The following SORCS2 variants were observed in gnomAD, a reference collection of about 807,000 sequenced individuals.
SORCS2 encodes VPS10 domain-containing receptor SorCS2.
In SORCS2, 100 loss-of-function variants were observed where a neutral mutation model predicts 141.6. The observed-to-expected ratio is 0.71, with a 90% CI of 0.60 to 0.83. The LOEUF is 0.83. SORCS2 is among the 40% of genes least tolerant of loss of function. SORCS2 has a pLI of 0.00. For synonymous variants in SORCS2, 789 were observed against 676.9 expected (o/e 1.17, Z -2.57); for missense variants, 1,646 against 1,560.2 (o/e 1.05, Z -0.93).
chr4:7,677,732 C>T (rs1723255056), intron 9 of SORCS2, among the ~76,000 whole-genome samples: 1 of 152,194 alleles, frequency 6.6e-6, no homozygotes, highest in Admixed American at 6.5e-5. Flanking sequence ...ACAAATGGAA[C>T]CATTTGTTTG....
intron 2 of SORCS2, among the ~76,000 whole-genome samples, chr4:7,495,974 G>A (rs1731590974): frequency 6.6e-6 from 1 of 152,196 alleles, no homozygotes; most frequent in African/African-American, 2.4e-5. Flanking sequence ...CCTGGGCGAG[G>A]GACAGAATGT....
intron 3 of SORCS2, among the ~76,000 whole-genome samples, chr4:7,541,125 G>C (rs1712616577): frequency 1.3e-5 from 2 of 152,244 alleles, no homozygotes; most frequent in African/African-American, 4.8e-5. Flanking sequence ...GATGGGAAGT[G>C]AGGGTGAGAC....
At chr4:7,530,398 A>G (rs1215482924) in intron 2 of SORCS2, among the ~76,000 whole-genome samples, 1 of 152,164 alleles carries the variant, frequency 6.6e-6, no homozygotes, top group African/African-American at 2.4e-5. Context: ...AGTTGCCCCC[A>G]GTCCCCTGAG....
chr4:7,564,057 GCA>G (rs1375867030), intron 3 of SORCS2, among the ~76,000 whole-genome samples: 1 of 152,222 alleles, frequency 6.6e-6, no homozygotes, highest in African/African-American at 2.4e-5. Context: ...CAGGGAAATT[GCA>G]CAGTTGTTAG....
intron 2 of SORCS2, among the ~76,000 whole-genome samples, chr4:7,526,032 C>A (rs146650546): frequency 0.01 from 1,536 of 151,510 alleles, 88 homozygotes; most frequent in African/African-American, 0.036. Context: ...CCTGTCCCCT[C>A]CTCACACCTG....
chr4:7,205,278 G>A (rs1727671818), intron 1 of SORCS2, among the ~76,000 whole-genome samples: 2 of 152,240 alleles, frequency 1.3e-5, no homozygotes, highest in Admixed American at 6.5e-5. Flanking sequence ...TGGCACAGGG[G>A]CTCTTAGCTC....
At chr4:7,612,960 C>T (rs1308693072) in intron 3 of SORCS2, among the ~76,000 whole-genome samples, 2 of 133,792 alleles carry the variant, frequency 1.5e-5, no homozygotes, top group East Asian at 2.0e-4. Flanking sequence ...AGGGCCAAGG[C>T]CAACAGCAGG....
At chr4:7,433,800 G>C in intron 2 of SORCS2, 1 of 1,613,712 alleles carries the variant, frequency 6.2e-7, no homozygotes, top group Non-Finnish European at 8.5e-7. Context: ...GGATGAACTT[G>C]CACACCTTCT....
At chr4:7,439,958 C>T (rs1560286224) in intron 2 of SORCS2, among the ~76,000 whole-genome samples, 1 of 152,210 alleles carries the variant, frequency 6.6e-6, no homozygotes, top group Non-Finnish European at 1.5e-5. Context: ...GAAGTGACCA[C>T]AGCAGCTGCT....
At chr4:7,282,956 CATT>C (rs1715978220) in intron 1 of SORCS2, among the ~76,000 whole-genome samples, 1 of 152,230 alleles carries the variant, frequency 6.6e-6, no homozygotes, top group Admixed American at 6.5e-5. Flanking sequence ...CATTCACACT[CATT>C]AATTCATTCA....
intron 2 of SORCS2, chr4:7,434,342 C>G (rs769822761): frequency 1.2e-6 from 2 of 1,609,858 alleles, no homozygotes; most frequent in Admixed American, 3.4e-5. Flanking sequence ...AGAGCTCCTT[C>G]AGGCGCCTGG....
At chr4:7,269,386 C>G (rs1281018676) in intron 1 of SORCS2, among the ~76,000 whole-genome samples, 1 of 152,200 alleles carries the variant, frequency 6.6e-6, no homozygotes, top group African/African-American at 2.4e-5. Flanking sequence ...TAGTGGTGTC[C>G]TCCAAAAAGA....
chr4:7,268,594 CA>C (rs1175029272), intron 1 of SORCS2, among the ~76,000 whole-genome samples: 5 of 152,198 alleles, frequency 3.3e-5, no homozygotes, highest in Admixed American at 2.0e-4. Flanking sequence ...TGCTGGGTAT[CA>C]GGGGCCATGC....
chr4:7,393,762 G>A (rs975829007), intron 1 of SORCS2, among the ~76,000 whole-genome samples: 2 of 152,112 alleles, frequency 1.3e-5, no homozygotes, highest in Admixed American at 1.3e-4. Flanking sequence ...GAATGACGAC[G>A]GCTCCTATGG....
At chr4:7,418,497 G>A (rs530186930) in intron 2 of SORCS2, among the ~76,000 whole-genome samples, 12 of 152,292 alleles carry the variant, frequency 7.9e-5, no homozygotes, top group East Asian at 1.9e-4. Flanking sequence ...GACATTAAGC[G>A]CGAGGTGGAG....
At chr4:7,637,108 T>C (rs114523933) in intron 3 of SORCS2, among the ~76,000 whole-genome samples, 1,999 of 152,306 alleles carry the variant, frequency 0.013, 43 homozygotes, top group African/African-American at 0.045. Flanking sequence ...GATGGCTTCA[T>C]CCTGAGATGC....
intron 21 of SORCS2, among the ~76,000 whole-genome samples, chr4:7,727,934 G>A (rs1727337914): frequency 6.6e-6 from 1 of 152,222 alleles, no homozygotes; most frequent in Admixed American, 6.5e-5. Context: ...GAAGTCCATG[G>A]ATCCCTGATG....
intron 2 of SORCS2, among the ~76,000 whole-genome samples, chr4:7,497,556 T>C (rs4689764): frequency 0.82 from 124,974 of 152,276 alleles, 52,978 homozygotes; most frequent in South Asian, 0.96. Context: ...CACACCGCCA[T>C]TCCCAAAGGA....
intron 1 of SORCS2, among the ~76,000 whole-genome samples, chr4:7,225,633 A>G (rs920122344): frequency 7.9e-5 from 12 of 152,050 alleles, no homozygotes; most frequent in African/African-American, 2.9e-4. Context: ...CTTGAGCTCC[A>G]GTGTGGTTGC....
Sources: gnomAD v4.1 joint callset for allele counts (sites outside exome capture counted in the v4.1 genomes callset) on GRCh38, gnomAD v4.1.1 for gene constraint, MANE v1.5 for transcripts, NCBI Gene and HGNC (gene_info 2026-07-23, HGNC 2026-07-21) for gene names.